The following IGF2BP2 variants were observed in gnomAD, a reference collection of about 807,000 sequenced individuals.
IGF2BP2 encodes the protein insulin-like growth factor 2 mRNA-binding protein 2.
In IGF2BP2, 17 loss-of-function variants were observed where a neutral mutation model predicts 75.8. That is an observed-to-expected ratio of 0.22 (90% CI 0.15 to 0.34). IGF2BP2 has a LOEUF of 0.34. Among genes scored for constraint, IGF2BP2 ranks in the 10% least tolerant of loss-of-function variants. The pLI, the probability that IGF2BP2 is intolerant of heterozygous loss-of-function variation, is 1.00. For missense variants in IGF2BP2, 516 were observed against 772.4 expected (o/e 0.67, Z 3.93); for synonymous variants, 288 against 295.6 (o/e 0.97, Z 0.26).
At chr3:185,756,555 T>A (rs1355609833) in intron 2 of IGF2BP2, among the ~76,000 whole-genome samples, 1 of 152,176 alleles carries the variant, frequency 6.6e-6, no homozygotes, top group Admixed American at 6.5e-5. Flanking sequence ...TCAACCAATA[T>A]CCTAGTTCAG....
chr3:185,655,549 C>A (rs192744118), intron 12 of IGF2BP2, among the ~76,000 whole-genome samples: 198 of 152,300 alleles, frequency 1.3e-3, no homozygotes, highest in Non-Finnish European at 2.4e-3. Context: ...GTTGGCCCAG[C>A]ATAAAAAACA....
At chr3:185,763,929 T>C (rs1384133048) in intron 2 of IGF2BP2, among the ~76,000 whole-genome samples, 2 of 152,082 alleles carry the variant, frequency 1.3e-5, no homozygotes, top group East Asian at 1.9e-4. Flanking sequence ...AAGCACCAAA[T>C]GTATTTGGTG....
intron 10 of IGF2BP2, among the ~76,000 whole-genome samples, chr3:185,666,283 CA>C (rs1717613407): frequency 6.6e-6 from 1 of 152,142 alleles, no homozygotes; most frequent in African/African-American, 2.4e-5. Flanking sequence ...GCAATGAAAC[CA>C]GTAAAAGTTT....
intron 2 of IGF2BP2, among the ~76,000 whole-genome samples, chr3:185,700,841 C>T (rs1723194531): frequency 6.6e-6 from 1 of 152,022 alleles, no homozygotes; most frequent in Non-Finnish European, 1.5e-5. Flanking sequence ...TATCATAATA[C>T]AGCTGAATAT....
At chr3:185,749,155 C>A (rs1262841623) in intron 2 of IGF2BP2, among the ~76,000 whole-genome samples, 1 of 152,002 alleles carries the variant, frequency 6.6e-6, no homozygotes, top group African/African-American at 2.4e-5. Flanking sequence ...AAAAGCGAGA[C>A]TCCGTCTAAA....
chr3:185,730,747 C>G (rs2149513359), intron 2 of IGF2BP2, among the ~76,000 whole-genome samples: 1 of 152,146 alleles, frequency 6.6e-6, no homozygotes, highest in East Asian at 1.9e-4. Context: ...GGGTAGATGC[C>G]CAGGAGTGAG....
intron 2 of IGF2BP2, chr3:185,713,405 G>C (rs768872356): frequency 3.8e-6 from 2 of 519,818 alleles, no homozygotes; most frequent in African/African-American, 3.9e-5. Flanking sequence ...TATTGGAAAA[G>C]CAGCAGTGGG....
intron 2 of IGF2BP2, among the ~76,000 whole-genome samples, chr3:185,706,227 C>A (rs892921969): frequency 2.0e-5 from 3 of 152,122 alleles, no homozygotes; most frequent in Admixed American, 2.0e-4. Flanking sequence ...GTGGATAATT[C>A]CATAATACTA....
At chr3:185,792,666 G>A (rs535152537) in intron 2 of IGF2BP2, among the ~76,000 whole-genome samples, 2 of 151,532 alleles carry the variant, frequency 1.3e-5, no homozygotes, top group South Asian at 4.2e-4. Flanking sequence ...ACTCGGGAGA[G>A]TGAGGCAGAG....
intron 2 of IGF2BP2, among the ~76,000 whole-genome samples, chr3:185,816,127 T>C (rs1002172673): frequency 9.2e-5 from 14 of 152,154 alleles, no homozygotes; most frequent in African/African-American, 2.9e-4. Context: ...ACCCAGGAGA[T>C]TCCTTGAGCT....
At chr3:185,689,967 CAAAAA>C (rs5855070) in intron 5 of IGF2BP2, among the ~76,000 whole-genome samples, 1 of 118,214 alleles carries the variant, frequency 8.5e-6, no homozygotes. Flanking sequence ...GACTCCGTCT[CAAAAA>C]AAAAAAAAAA....
intron 13 of IGF2BP2, 137 bp downstream of exon 13, chr3:185,651,957 G>T: frequency 1.7e-6 from 1 of 587,732 alleles, no homozygotes; most frequent in Non-Finnish European, 2.9e-6. Flanking sequence ...AGGGATGACA[G>T]GGTGAGCCTG....
At chr3:185,718,617 G>A (rs2149453633) in intron 2 of IGF2BP2, among the ~76,000 whole-genome samples, 1 of 150,160 alleles carries the variant, frequency 6.7e-6, no homozygotes, top group South Asian at 2.1e-4. Flanking sequence ...CCCAGGAGGT[G>A]GAGGTTGTGG....
intron 2 of IGF2BP2, among the ~76,000 whole-genome samples, chr3:185,747,772 C>T (rs1730438511): frequency 6.6e-6 from 1 of 152,004 alleles, no homozygotes; most frequent in African/African-American, 2.4e-5. Context: ...GAGAATGTCC[C>T]AAACATGGTG....
intron 2 of IGF2BP2, among the ~76,000 whole-genome samples, chr3:185,816,572 G>A (rs1740638513): frequency 6.6e-6 from 1 of 152,174 alleles, no homozygotes; most frequent in Non-Finnish European, 1.5e-5. Flanking sequence ...GTACAGTGGA[G>A]CGAGACTCAG....
At chr3:185,797,677 G>GCAT (rs1737613639) in intron 2 of IGF2BP2, among the ~76,000 whole-genome samples, 1 of 152,238 alleles carries the variant, frequency 6.6e-6, no homozygotes, top group Middle Eastern at 3.4e-3. Flanking sequence ...GCCAATGCAG[G>GCAT]CGGATCAGCT....
At chr3:185,820,141 T>G (rs1385202190) in intron 2 of IGF2BP2, among the ~76,000 whole-genome samples, 1 of 151,660 alleles carries the variant, frequency 6.6e-6, no homozygotes, top group Non-Finnish European at 1.5e-5. Flanking sequence ...ACAGAATCAT[T>G]CAACTTGAGG....
chr3:185,819,709 G>C (rs1365305677), intron 2 of IGF2BP2, among the ~76,000 whole-genome samples: 1 of 151,894 alleles, frequency 6.6e-6, no homozygotes, highest in Non-Finnish European at 1.5e-5. Context: ...AGTAAATGCA[G>C]GTATTAATTT....
intron 2 of IGF2BP2, among the ~76,000 whole-genome samples, chr3:185,737,267 C>A (rs1197758194): frequency 1.3e-5 from 2 of 152,184 alleles, no homozygotes; most frequent in Non-Finnish European, 2.9e-5. Context: ...TCCTTCCAAT[C>A]TGTCAACATC....
Sources: allele counts gnomAD v4.1 joint callset (sites outside exome capture counted in the v4.1 genomes callset), GRCh38; gene constraint gnomAD v4.1.1; transcripts MANE v1.5; gene names NCBI Gene and HGNC (gene_info 2026-07-23, HGNC 2026-07-21).